PLCXD3: variants seen among roughly 807,000 people sequenced by gnomAD.
PLCXD3 encodes the protein phosphatidylinositol specific phospholipase C X domain containing 3.
In PLCXD3, 19 loss-of-function variants were observed where a neutral mutation model predicts 25.5. The ratio of observed to expected loss-of-function variants is 0.75; its 90% CI spans 0.52 to 1.09. PLCXD3 has a LOEUF of 1.09. PLCXD3 is among the 50% of genes least tolerant of loss of function. The pLI, the probability that PLCXD3 is intolerant of heterozygous loss-of-function variation, is 0.00. For missense variants in PLCXD3, 411 were observed against 388.1 expected, an observed-to-expected ratio of 1.06 and a Z score of -0.50; for synonymous variants, 174 against 137.6, an observed-to-expected ratio of 1.26 and a Z score of -1.85.
At position 41,405,376 on chromosome 5, in the gene PLCXD3, C is replaced by A. The variant is rs140638155; in HGVS notation, c.104-22842G>T. 3.9e-5 allele frequency among the ~76,000 whole-genome samples: 6 copies of A among 152,242 alleles called. 1 individual carries two copies. The highest frequency in any genetic ancestry group is 1.4e-4 in the African/African-American group (6 of 41,554). On this transcript the variant is annotated intron_variant, in intron 1 of 2. Coordinates refer to ENST00000377801, the MANE Select transcript of PLCXD3 (RefSeq NM_001005473.3). ...ATGTATTTCCTCCTTTGTACCAAAG[C>A]CTTTTACCCATAGTTGTCTTTCTCC...
chr5:41,460,437 A>C (rs756393536), intron 1 of PLCXD3, among the ~76,000 whole-genome samples: 2 of 151,818 alleles, frequency 1.3e-5, no homozygotes, highest in Non-Finnish European at 2.9e-5. Context: ...TATATTTTTT[A>C]AAGTCAGAGA....
In PLCXD3 at chr5:41,311,175, CAGTTAGAGAGA is replaced by C; in HGVS notation, c.*2431_*2441del. 6.6e-6 allele frequency: 1 copy of C among 151,918 alleles called. No individual in the cohort carries two copies. Among genetic ancestry groups the C allele is most frequent in the Admixed American group, 6.6e-5 (1 of 15,234 alleles). The allele number at this position is 151,918 out of a possible 1,614,324, so 9.4% of individuals were successfully genotyped here. A position where few individuals can be genotyped will look rare whatever the true frequency, so the allele number is the denominator to read the frequency against. ...TCCTCCTGAAGGATGAATGAATAGC[CAGTTAGAGAGA>C]AAGTCTGCCCAAAAACCAAATTTAC... On this transcript the variant is annotated 3_prime_UTR_variant, in exon 3 of 3. Transcript: ENST00000377801.
At chr5:41,425,235 C>A (rs560570220) in intron 1 of PLCXD3, among the ~76,000 whole-genome samples, 1 of 151,772 alleles carries the variant, frequency 6.6e-6, no homozygotes, top group Non-Finnish European at 1.5e-5. Context: ...TTACTTTCAA[C>A]CTTTTTGTGT....
In PLCXD3 at chr5:41,313,685, G is replaced by A. The variant is rs1421018639; in HGVS notation, c.898C>T (p.Leu300Phe). ...ATGACAGTGCTGATAAAGTCACCAA[G>A]TTCTACAAAATCGGCAGTGACAATA... is the stretch of plus-strand genomic sequence containing the variant. ...INIVTADFVE[L>F]GDFISTVIKL... The change falls in exon 3 of 3, where the codon CTT (leucine) becomes TTT (phenylalanine). Residue 300 changes from leucine (L) to phenylalanine (F), a missense_variant. By Grantham distance (22) the Leu-to-Phe change is conservative (BLOSUM62 0). Coordinates refer to ENST00000377801, the MANE Select transcript of PLCXD3 (RefSeq NM_001005473.3). The A allele has an allele frequency of 6.2e-7, 1 of 1,613,740 alleles. No individual in the cohort carries two copies. Among genetic ancestry groups the A allele is most frequent in the African/African-American group, 1.3e-5 (1 of 74,906 alleles).
rs1167250089 is a variant in PLCXD3, at chr5:41,453,355, CT to C, written c.103+57068del. 7.6e-3 allele frequency among the ~76,000 whole-genome samples: 1,091 copies of C among 143,660 alleles called. 6 individuals carry two copies. The highest frequency in any genetic ancestry group is 0.015 in the African/African-American group (594 of 39,410). The allele number at this position is 143,660 out of a possible 152,430, so 94.2% of individuals were successfully genotyped here. A position where few individuals can be genotyped will look rare whatever the true frequency, so the allele number is the denominator to read the frequency against. ...ACTATGCTCTGTACCCATTCTCTGT[CT>C]TTTTTTTTTTTTAATGACCGCATGG... On this transcript the variant is annotated intron_variant, in intron 1 of 2. Coordinates refer to ENST00000377801, the MANE Select transcript of PLCXD3 (RefSeq NM_001005473.3).
intron 1 of PLCXD3, among the ~76,000 whole-genome samples, chr5:41,493,669 C>T (rs943654296): frequency 6.6e-6 from 1 of 152,216 alleles, no homozygotes; most frequent in East Asian, 1.9e-4. Context: ...TAGCTGCCGC[C>T]TTGCAGTTTG....
At chr5:41,449,729 G>A (rs997171262) in intron 1 of PLCXD3, among the ~76,000 whole-genome samples, 2 of 152,062 alleles carry the variant, frequency 1.3e-5, no homozygotes, top group Non-Finnish European at 2.9e-5. Flanking sequence ...AGATTGAGGA[G>A]ACTGGGATAT....
intron 2 of PLCXD3, among the ~76,000 whole-genome samples, chr5:41,338,745 C>T (rs137995107): frequency 0.01 from 1,583 of 152,182 alleles, 23 homozygotes; most frequent in Admixed American, 0.024. Context: ...ATTCACATAA[C>T]CACACCATCT....
At chr5:41,399,856 A>G (rs975749901) in intron 1 of PLCXD3, among the ~76,000 whole-genome samples, 23 of 152,192 alleles carry the variant, frequency 1.5e-4, no homozygotes, top group African/African-American at 5.5e-4. Flanking sequence ...GATCGCATCA[A>G]ATTAAAAAGA....
At chr5:41,372,296 T>TCACA (rs1299295243) in intron 2 of PLCXD3, among the ~76,000 whole-genome samples, 9 of 132,850 alleles carry the variant, frequency 6.8e-5, no homozygotes, top group Middle Eastern at 3.8e-3. Flanking sequence ...TCTCTCTCTC[T>TCACA]CTCACACACA....
At chr5:41,400,644 T>C (rs550371099) in intron 1 of PLCXD3, among the ~76,000 whole-genome samples, 41 of 151,980 alleles carry the variant, frequency 2.7e-4, no homozygotes, top group African/African-American at 9.2e-4. Flanking sequence ...ATCAACACAA[T>C]TGAACTCACA....
intron 1 of PLCXD3, among the ~76,000 whole-genome samples, chr5:41,477,286 T>C (rs1351557394): frequency 6.6e-6 from 1 of 152,210 alleles, no homozygotes; most frequent in Non-Finnish European, 1.5e-5. Context: ...TACTTTTATC[T>C]TCTAGTATAG....
chr5:41,440,626 T>G (rs934507263), intron 1 of PLCXD3, among the ~76,000 whole-genome samples: 2 of 152,250 alleles, frequency 1.3e-5, no homozygotes, highest in Non-Finnish European at 2.9e-5. Flanking sequence ...TCTATAAGTC[T>G]ATGTATATAT....
rs149473148 is a variant in PLCXD3, at chr5:41,484,142, AG to A, written c.103+26281del. Among the ~76,000 whole-genome samples, 51 of 152,196 alleles carry A rather than the reference AG, an allele frequency of 3.4e-4. No homozygotes were observed. The East Asian group carries it at 9.3e-3, about 28-fold the overall frequency. Reference sequence around the variant, plus strand: ...ATTTTAATATAAACATTAGGGGTATAGGGGGCCGCAGCTATATGTATGATTT... The same window carrying A: ...ATTTTAATATAAACATTAGGGGTATAGGGGCCGCAGCTATATGTATGATTT... On this transcript the variant is annotated intron_variant, in intron 1 of 2. Transcript: ENST00000377801.
Position 41,382,062 on chromosome 5 carries a change from C to T in PLCXD3, c.576G>A (p.Leu192=), listed in dbSNP as rs1227841764. Residue 192 remains leucine (L), a synonymous_variant, in exon 2 of 3, where the codon CTG becomes CTA. Coordinates refer to ENST00000377801, the MANE Select transcript of PLCXD3 (RefSeq NM_001005473.3). ...GAGCCACTGGACTATGGTAGAAGAC[C>T]AGCACTTGATAGTCCTTCTCCCACA... ...KYLWEKDYQV[L]VFYHSPVALE... 6.2e-7 allele frequency: 1 copy of T among 1,613,658 alleles called. No individual in the cohort carries two copies. The highest frequency in any genetic ancestry group is 1.1e-5 in the South Asian group (1 of 91,082).
At chr5:41,442,855 G>C (rs999650595) in intron 1 of PLCXD3, among the ~76,000 whole-genome samples, 1 of 151,336 alleles carries the variant, frequency 6.6e-6, no homozygotes, top group Non-Finnish European at 1.5e-5. Flanking sequence ...ATATTTTCCA[G>C]TGTGACTCAA....
intron 1 of PLCXD3, among the ~76,000 whole-genome samples, chr5:41,489,891 T>C (rs2150525191): frequency 1.3e-5 from 2 of 151,920 alleles, no homozygotes; most frequent in South Asian, 4.2e-4. Context: ...CAGGGACAAT[T>C]TGACTTCCTC....
intron 2 of PLCXD3, among the ~76,000 whole-genome samples, chr5:41,374,005 T>C (rs2150489844): frequency 6.6e-6 from 1 of 152,234 alleles, no homozygotes; most frequent in Middle Eastern, 3.4e-3. Flanking sequence ...CAAGCAAATA[T>C]GAACTTGAAT....
rs70988846 is a variant in PLCXD3, at chr5:41,440,215, A to ATTTTTTTT, written c.104-57689_104-57682dup. Among the ~76,000 whole-genome samples, 53 of 41,078 alleles carry ATTTTTTTT rather than the reference A, an allele frequency of 1.3e-3. 14 individuals carry two copies. The highest frequency in any genetic ancestry group is 3.4e-3 in the African/African-American group (33 of 9,610). The allele number at this position is 41,078 out of a possible 152,430, so 26.9% of individuals were successfully genotyped here. On this transcript the variant is annotated intron_variant, in intron 1 of 2. Coordinates refer to ENST00000377801, the MANE Select transcript of PLCXD3 (RefSeq NM_001005473.3). ...TCTGAGCAAATTACATAATCTCTCA[A>ATTTTTTTT]TTTTTTTTTTTTTTTTTTTTTTTTT...
Sources: allele counts gnomAD v4.1 joint callset (sites outside exome capture counted in the v4.1 genomes callset), GRCh38; gene constraint gnomAD v4.1.1; transcripts MANE v1.5; gene names NCBI Gene and HGNC (gene_info 2026-07-23, HGNC 2026-07-21).